CCDC60: variants seen among roughly 807,000 people sequenced by gnomAD.
The protein encoded by CCDC60 is coiled-coil domain containing 60.
Under a neutral mutation model 63.5 loss-of-function variants are expected in CCDC60, and 54 were observed. The ratio of observed to expected loss-of-function variants is 0.85; its 90% CI spans 0.68 to 1.07. The LOEUF (loss-of-function observed/expected upper bound fraction) is 1.07. CCDC60 is among the 50% of genes least tolerant of loss of function. The probability of loss-of-function intolerance (pLI) is 0.00; values close to 1 mark genes in which losing one functional copy is unlikely to be tolerated. For missense variants in CCDC60, 651 were observed against 684.3 expected, an observed-to-expected ratio of 0.95 and a Z score of 0.54; for synonymous variants, 206 against 238.8, an observed-to-expected ratio of 0.86 and a Z score of 1.27.
chr12:119,506,169 G>A (rs1019407510), intron 7 of CCDC60, among the ~76,000 whole-genome samples: 4 of 151,982 alleles, frequency 2.6e-5, no homozygotes, highest in African/African-American at 7.3e-5. Flanking sequence ...GAGCCCCCAG[G>A]CAACCACAAA....
intron 2 of CCDC60, among the ~76,000 whole-genome samples, chr12:119,452,137 T>A (rs1950645518): frequency 6.6e-6 from 1 of 152,186 alleles, no homozygotes; most frequent in Non-Finnish European, 1.5e-5. Flanking sequence ...AGATATAGCT[T>A]TTTTGCATCT....
chr12:119,357,289 C>T (rs1327123836), intron 1 of CCDC60, among the ~76,000 whole-genome samples: 2 of 152,284 alleles, frequency 1.3e-5, no homozygotes, highest in Non-Finnish European at 2.9e-5. Flanking sequence ...ATGTACAATA[C>T]ATTGTTGATA....
At chr12:119,432,378 G>A (rs1311974444) in intron 2 of CCDC60, among the ~76,000 whole-genome samples, 1 of 152,232 alleles carries the variant, frequency 6.6e-6, no homozygotes, top group Non-Finnish European at 1.5e-5. Context: ...GGTGCAGCAG[G>A]GACGTTGGAT....
intron 13 of CCDC60, among the ~76,000 whole-genome samples, chr12:119,539,703 C>T (rs189988555): frequency 1.2e-4 from 18 of 152,324 alleles, no homozygotes; most frequent in Middle Eastern, 3.4e-3. Context: ...TTGTCTCTCA[C>T]TGGCATTCCA....
intron 1 of CCDC60, among the ~76,000 whole-genome samples, chr12:119,341,890 A>G (rs990358149): frequency 3.3e-5 from 5 of 152,210 alleles, no homozygotes; most frequent in Non-Finnish European, 7.3e-5. Context: ...GCTCCTGAGC[A>G]TGGTTTGAGT....
At chr12:119,467,654 T>C (rs542143487) in intron 2 of CCDC60, among the ~76,000 whole-genome samples, 1 of 152,242 alleles carries the variant, frequency 6.6e-6, no homozygotes, top group South Asian at 2.1e-4. Context: ...ACCCAGTCTA[T>C]GGTATTTTTG....
intron 1 of CCDC60, among the ~76,000 whole-genome samples, chr12:119,341,783 G>C (rs1007862731): frequency 4.6e-5 from 7 of 152,188 alleles, no homozygotes; most frequent in Non-Finnish European, 1.0e-4. Context: ...TCAGCTTAAG[G>C]GTAGAAGGGA....
chr12:119,445,852 C>T (rs955012191), intron 2 of CCDC60, among the ~76,000 whole-genome samples: 6 of 152,058 alleles, frequency 3.9e-5, no homozygotes, highest in Admixed American at 6.5e-5. Flanking sequence ...AACCAAATAT[C>T]GTGTGTTCTC....
chr12:119,510,411 T>C (rs755713538), intron 7 of CCDC60, among the ~76,000 whole-genome samples: 17 of 152,150 alleles, frequency 1.1e-4, no homozygotes, highest in Non-Finnish European at 1.8e-4. Context: ...CTGCTGAACC[T>C]TCAAGACCCA....
At chr12:119,528,474 C>G in intron 11 of CCDC60, 141 bp from the exon 12 acceptor site, 1 of 957,110 alleles carries the variant, frequency 1.0e-6, no homozygotes, top group Non-Finnish European at 1.6e-6. Flanking sequence ...AAAGCCAGAG[C>G]CTAAGTTAAA....
chr12:119,496,207 G>A (rs1360343082), intron 5 of CCDC60, among the ~76,000 whole-genome samples: 3 of 152,166 alleles, frequency 2.0e-5, no homozygotes, highest in South Asian at 2.1e-4. Flanking sequence ...ATATGAGCAC[G>A]TCCTAACCTA....
At chr12:119,441,746 C>T (rs556519721) in intron 2 of CCDC60, among the ~76,000 whole-genome samples, 8 of 152,132 alleles carry the variant, frequency 5.3e-5, no homozygotes, top group South Asian at 2.1e-4. Context: ...TCAGTATCTG[C>T]GTAGTATTTA....
rs898117003 is a variant in CCDC60, at chr12:119,501,498, T to C, written c.648+1330T>C. Reference sequence around the variant, plus strand: ...AGTTTATTAAACATATAAACATCAATAGGTTTATTAAACATATAAACATCC... The same window carrying C: ...AGTTTATTAAACATATAAACATCAACAGGTTTATTAAACATATAAACATCC... On this transcript the variant is annotated intron_variant, in intron 6 of 13. Transcript: ENST00000327554. 2.6e-5 allele frequency among the ~76,000 whole-genome samples: 4 copies of C among 152,298 alleles called. No homozygotes were observed. The East Asian group carries it at 7.7e-4, about 29-fold the overall frequency.
At chr12:119,458,163 A>G (rs1162785966) in intron 2 of CCDC60, among the ~76,000 whole-genome samples, 1 of 152,240 alleles carries the variant, frequency 6.6e-6, no homozygotes, top group African/African-American at 2.4e-5. Flanking sequence ...GCCTCAACCA[A>G]TTGGGAATAA....
intron 1 of CCDC60, among the ~76,000 whole-genome samples, chr12:119,345,503 A>AAAAT (rs71072508): frequency 0.09 from 13,525 of 150,424 alleles, 1,269 homozygotes; most frequent in East Asian, 0.53. Flanking sequence ...CTCCATCTCA[A>AAAAT]AAATAAATAA....
At chr12:119,354,776 C>T (rs1012725920) in intron 1 of CCDC60, among the ~76,000 whole-genome samples, 7 of 152,198 alleles carry the variant, frequency 4.6e-5, no homozygotes, top group African/African-American at 1.7e-4. Context: ...CAACCAGGGT[C>T]ACAGAGCACT....
chr12:119,519,167 C>T (rs1304888372), intron 8 of CCDC60, among the ~76,000 whole-genome samples: 1 of 152,126 alleles, frequency 6.6e-6, no homozygotes, highest in Admixed American at 6.6e-5. Flanking sequence ...CTGCTCCCAT[C>T]AAGGCTGACA....
chr12:119,501,208 A>C (rs901754503), intron 6 of CCDC60, among the ~76,000 whole-genome samples: 3 of 152,236 alleles, frequency 2.0e-5, no homozygotes, highest in African/African-American at 7.2e-5. Context: ...TGAAAATGTG[A>C]GAATGCTTAG....
At chr12:119,400,418 G>A (rs2136221810) in intron 1 of CCDC60, among the ~76,000 whole-genome samples, 1 of 152,344 alleles carries the variant, frequency 6.6e-6, no homozygotes, top group Admixed American at 6.5e-5. Flanking sequence ...AATTGATGGA[G>A]ACGAGTAAAT....
Sources: gnomAD v4.1 joint callset for allele counts (sites outside exome capture counted in the v4.1 genomes callset) on GRCh38, gnomAD v4.1.1 for gene constraint, MANE v1.5 for transcripts, NCBI Gene and HGNC (gene_info 2026-07-23, HGNC 2026-07-21) for gene names.